KIF16B: variants seen among roughly 807,000 people sequenced by gnomAD.
The protein encoded by KIF16B is kinesin family member 16B, also known as kinesin-like protein KIF16B.
Under a neutral mutation model 156.3 loss-of-function variants are expected in KIF16B, and 98 were observed. The ratio of observed to expected loss-of-function variants is 0.63; its 90% CI spans 0.53 to 0.74. KIF16B has a LOEUF of 0.74. Among genes scored for constraint, KIF16B ranks in the 30% least tolerant of loss-of-function variants. The probability of loss-of-function intolerance (pLI) is 0.00; values close to 1 mark genes in which losing one functional copy is unlikely to be tolerated. For missense variants in KIF16B, 1,421 were observed against 1,606.5 expected (o/e 0.88, Z 1.97); for synonymous variants, 564 against 583.7 (o/e 0.97, Z 0.49).
At chr20:16,513,487 T>C (rs2069027171) in intron 4 of KIF16B, among the ~76,000 whole-genome samples, 1 of 151,872 alleles carries the variant, frequency 6.6e-6, no homozygotes, top group Admixed American at 6.6e-5. Flanking sequence ...GGTGAAACTG[T>C]GTCTCTACTA....
At chr20:16,401,061 A>G (rs1354480981) in intron 17 of KIF16B, among the ~76,000 whole-genome samples, 2 of 150,370 alleles carry the variant, frequency 1.3e-5, no homozygotes, top group Non-Finnish European at 2.9e-5. Flanking sequence ...GCAGGTGGCA[A>G]GTTGCAGGGG....
chr20:16,571,659 T>C (rs539310690), intron 1 of KIF16B, among the ~76,000 whole-genome samples: 1 of 151,326 alleles, frequency 6.6e-6, no homozygotes, highest in Non-Finnish European at 1.5e-5. Flanking sequence ...AGAGGGAGTC[T>C]CGCTCTGTCA....
chr20:16,468,333 A>T (rs1490219466), intron 12 of KIF16B, among the ~76,000 whole-genome samples: 3 of 152,132 alleles, frequency 2.0e-5, no homozygotes, highest in Non-Finnish European at 4.4e-5. Flanking sequence ...GCACTTTGGG[A>T]GGCTGATGCA....
chr20:16,429,782 A>T, intron 13 of KIF16B, 81 bp downstream of exon 13: 2 of 1,215,704 alleles, frequency 1.6e-6, no homozygotes, highest in Non-Finnish European at 2.3e-6. Flanking sequence ...TCATGACCAT[A>T]GAATATTATA....
intron 25 of KIF16B, among the ~76,000 whole-genome samples, chr20:16,277,113 C>T (rs1418660525): frequency 6.6e-6 from 1 of 152,174 alleles, no homozygotes; most frequent in Non-Finnish European, 1.5e-5. Context: ...TGAGCGGAAT[C>T]ATTTGGGATA....
rs190832667 is a variant in KIF16B, at chr20:16,552,394, C to G, written c.47+20835G>C. 3.3e-5 allele frequency among the ~76,000 whole-genome samples: 5 copies of G among 152,330 alleles called. No homozygotes were observed. The East Asian group carries it at 9.6e-4, about 29-fold the overall frequency. The stretch of plus-strand genomic sequence containing the variant: ...CATCCCAGCATATGCAATATTAACA[C>G]GCAGCCATTATGAGCTTCGTTGAGG... On this transcript the variant is annotated intron_variant, in intron 1 of 25. Transcript: ENST00000354981.
In KIF16B at chr20:16,301,064, C is replaced by A. The variant is rs569972943; in HGVS notation, c.3795+11271G>T. ...TATTAGTTGTGCCTTTTCCAAAATGCCATATAGTTAGAATCATACACCATA... is the reference window on the plus strand; with the variant it reads ...TATTAGTTGTGCCTTTTCCAAAATGACATATAGTTAGAATCATACACCATA... On this transcript the variant is annotated intron_variant, in intron 25 of 25. Transcript: ENST00000354981. Among the ~76,000 whole-genome samples, 3 of 152,250 alleles carry A rather than the reference C, an allele frequency of 2.0e-5. No individual in the cohort carries two copies. In the South Asian group the frequency reaches 6.2e-4, roughly 32 times the overall value.
At position 16,371,836 on chromosome 20, in the gene KIF16B, C is replaced by T. The variant is rs189218104; in HGVS notation, c.3351-75G>A. On this transcript the variant is annotated intron_variant, in intron 20 of 25. Transcript: ENST00000354981. ...ACATTCTGAGATCCTCTCTTTACTA[C>T]GCCCTTCACAACAGGGAGCAATCTC... 3.3e-4 allele frequency: 326 copies of T among 993,180 alleles called. 1 individual carries two copies. In the East Asian group the frequency reaches 7.0e-3, roughly 21 times the overall value. The allele number at this position is 993,180 out of a possible 1,614,324, so 61.5% of individuals were successfully genotyped here. A position where few individuals can be genotyped will look rare whatever the true frequency, so the allele number is the denominator to read the frequency against.
At chr20:16,306,657 C>T (rs189967389) in intron 25 of KIF16B, among the ~76,000 whole-genome samples, 1 of 152,202 alleles carries the variant, frequency 6.6e-6, no homozygotes, top group East Asian at 1.9e-4. Context: ...TTACATTTCA[C>T]GATTGCTGGG....
chr20:16,416,990 C>G (rs1244575538), intron 15 of KIF16B, among the ~76,000 whole-genome samples: 1 of 152,054 alleles, frequency 6.6e-6, no homozygotes, highest in Non-Finnish European at 1.5e-5. Context: ...GAGCTGTAGT[C>G]CCCCAAGAAG....
chr20:16,400,263 C>T (rs1482301500), intron 17 of KIF16B, among the ~76,000 whole-genome samples: 1 of 152,110 alleles, frequency 6.6e-6, no homozygotes. Context: ...ACAATGGACA[C>T]TCTTGAGAAA....
chr20:16,463,410 T>C (rs1316695266), intron 12 of KIF16B, among the ~76,000 whole-genome samples: 1 of 152,160 alleles, frequency 6.6e-6, no homozygotes, highest in South Asian at 2.1e-4. Context: ...ATCCTAGCAT[T>C]AGAAAACAGA....
chr20:16,350,341 C>T (rs890783110), intron 23 of KIF16B, among the ~76,000 whole-genome samples: 4 of 152,164 alleles, frequency 2.6e-5, no homozygotes, highest in South Asian at 4.2e-4. Context: ...CAATGGGACA[C>T]GTGCTTCTAA....
intron 12 of KIF16B, among the ~76,000 whole-genome samples, chr20:16,490,075 G>A (rs756121383): frequency 2.8e-4 from 43 of 152,176 alleles, no homozygotes; most frequent in Non-Finnish European, 4.3e-4. Context: ...GATTTGTATG[G>A]CTCAGGGCTG....
At chr20:16,562,439 C>T (rs1248687932) in intron 1 of KIF16B, among the ~76,000 whole-genome samples, 1 of 152,148 alleles carries the variant, frequency 6.6e-6, no homozygotes, top group East Asian at 1.9e-4. Flanking sequence ...CTTCCTAATA[C>T]CCAATAGGAG....
At chr20:16,329,346 C>A (rs2063910351) in intron 24 of KIF16B, among the ~76,000 whole-genome samples, 1 of 152,174 alleles carries the variant, frequency 6.6e-6, no homozygotes, top group African/African-American at 2.4e-5. Flanking sequence ...ATCTCCTTCT[C>A]ATAGAAACAA....
chr20:16,295,358 CA>C (rs1255650532), intron 25 of KIF16B, among the ~76,000 whole-genome samples: 2 of 152,056 alleles, frequency 1.3e-5, no homozygotes, highest in Non-Finnish European at 2.9e-5. Flanking sequence ...TATTCTACTG[CA>C]TAACAATTCT....
intron 1 of KIF16B, among the ~76,000 whole-genome samples, chr20:16,545,533 C>A (rs898362938): frequency 9.2e-5 from 14 of 152,236 alleles, no homozygotes; most frequent in Admixed American, 7.2e-4. Context: ...GGTGTGGTGG[C>A]AAGCGCCTAT....
chr20:16,558,224 T>C (rs958288318), intron 1 of KIF16B, among the ~76,000 whole-genome samples: 1 of 152,174 alleles, frequency 6.6e-6, no homozygotes, highest in Admixed American at 6.5e-5. Context: ...TGGAGAAACA[T>C]CATCTCTCTA....
Sources: allele counts gnomAD v4.1 joint callset (sites outside exome capture counted in the v4.1 genomes callset), GRCh38; gene constraint gnomAD v4.1.1; transcripts MANE v1.5; gene names NCBI Gene and HGNC (gene_info 2026-07-23, HGNC 2026-07-21).